The following TCEANC2 variants were observed in gnomAD, a reference collection of about 807,000 sequenced individuals.
The protein encoded by TCEANC2 is transcription elongation factor A N-terminal and central domain-containing protein 2.
TCEANC2 carries 20 observed loss-of-function variants against 22.8 expected under a neutral mutation model. The observed-to-expected ratio is 0.88, with a 90% confidence interval of 0.62 to 1.28. TCEANC2 has a LOEUF of 1.28. TCEANC2 is among the 50% of genes most tolerant of loss of function. TCEANC2 has a pLI of 0.00. For synonymous variants in TCEANC2, 84 were observed against 95.5 expected, an observed-to-expected ratio of 0.88 and a Z score of 0.70; for missense variants, 251 against 249.7, an observed-to-expected ratio of 1.01 and a Z score of -0.03.
chr1:54,106,365 T>G (rs1051481489), downstream of TCEANC2, among the ~76,000 whole-genome samples: 1 of 152,250 alleles, frequency 6.6e-6, no homozygotes, highest in Admixed American at 6.5e-5. Flanking sequence ...ATGTATTTTT[T>G]AATTTTCCAG....
At chr1:54,109,687 A>T (rs529135562), downstream of TCEANC2, among the ~76,000 whole-genome samples, 1 of 152,286 alleles carries the variant, frequency 6.6e-6, no homozygotes, top group African/African-American at 2.4e-5. Flanking sequence ...GGCTCTATAC[A>T]CATGCACTGA....
intron 2 of TCEANC2, among the ~76,000 whole-genome samples, chr1:54,056,950 G>A (rs962205934): frequency 2.6e-5 from 4 of 151,864 alleles, no homozygotes; most frequent in Non-Finnish European, 5.9e-5. Context: ...GCTGAGCTGG[G>A]AGGATTGCTT....
intron 3 of TCEANC2, among the ~76,000 whole-genome samples, chr1:54,078,197 G>T (rs923407379): frequency 1.3e-5 from 2 of 151,872 alleles, no homozygotes; most frequent in South Asian, 2.1e-4. Context: ...TTACTGCTGA[G>T]ATCTTATAAT....
downstream of TCEANC2, among the ~76,000 whole-genome samples, chr1:54,110,330 GGC>G (rs1458059492): frequency 1.3e-5 from 2 of 152,200 alleles, no homozygotes; most frequent in Non-Finnish European, 2.9e-5. Flanking sequence ...TGGGTGTGGT[GGC>G]TCATGCCTGT....
intron 3 of TCEANC2, among the ~76,000 whole-genome samples, chr1:54,077,499 G>A (rs1052833847): frequency 2.6e-5 from 4 of 152,216 alleles, no homozygotes; most frequent in South Asian, 4.2e-4. Context: ...CTGTGAATTT[G>A]AGACCATTGA....
At chr1:54,077,785 A>G (rs747467066) in intron 3 of TCEANC2, among the ~76,000 whole-genome samples, 8 of 152,144 alleles carry the variant, frequency 5.3e-5, no homozygotes, top group Non-Finnish European at 1.0e-4. Flanking sequence ...AGTTTTCTCT[A>G]TGGCTCTTCT....
chr1:54,088,077 C>T (rs542096669), intron 3 of TCEANC2, among the ~76,000 whole-genome samples: 2 of 152,272 alleles, frequency 1.3e-5, no homozygotes, highest in African/African-American at 2.4e-5. Flanking sequence ...GATGACAGCT[C>T]ATCCCTCCAT....
chr1:54,078,204 T>C (rs954867807), intron 3 of TCEANC2, among the ~76,000 whole-genome samples: 2 of 152,216 alleles, frequency 1.3e-5, no homozygotes, highest in African/African-American at 4.8e-5. Context: ...TGAGATCTTA[T>C]AATTTTTCTT....
rs756973311 is a variant in TCEANC2, at chr1:54,088,698, A to G, written c.346A>G (p.Asn116Asp). Residue 116 changes from asparagine (N) to aspartate (D), a missense_variant, in exon 4 of 5, where the codon AAT (asparagine) becomes GAT (aspartate). Transcript: ENST00000234827. ...EWKTFTEKHS[N>D]RPSIEVRSDP... is the part of the protein sequence containing the mutation. ...GAAAACTTTCACTGAAAAACATTCAAATAGACCTTCTATTGAAGTTAGAAG... is the reference window on the plus strand; with the variant it reads ...GAAAACTTTCACTGAAAAACATTCAGATAGACCTTCTATTGAAGTTAGAAG... 8.1e-6 allele frequency: 13 copies of G among 1,611,500 alleles called. No individual in the cohort carries two copies. The highest frequency in any genetic ancestry group is 6.7e-5 in the East Asian group (3 of 44,762).
chr1:54,069,533 G>A (rs772247018), intron 3 of TCEANC2, among the ~76,000 whole-genome samples: 1 of 151,814 alleles, frequency 6.6e-6, no homozygotes, highest in Non-Finnish European at 1.5e-5. Flanking sequence ...GCTTGAACCT[G>A]GGAGGCAGAG....
chr1:54,054,227 T>G, intron 1 of TCEANC2, 154 bp from the exon 2 acceptor site: 1 of 1,440,846 alleles, frequency 6.9e-7, no homozygotes, highest in Non-Finnish European at 9.1e-7. Context: ...TCGGAAGATC[T>G]TTCTTTTAAA....
intron 3 of TCEANC2, among the ~76,000 whole-genome samples, chr1:54,082,502 C>T (rs566293123): frequency 4.6e-5 from 7 of 152,268 alleles, no homozygotes; most frequent in African/African-American, 1.4e-4. Context: ...GGGAATAGAA[C>T]TTGGAGTAAG....
rs1178600907 is a variant in TCEANC2, at chr1:54,099,236, T to C, written c.*2763T>C. 1.3e-5 allele frequency: 2 copies of C among 152,192 alleles called. No individual in the cohort carries two copies. Among genetic ancestry groups the C allele is most frequent in the Middle Eastern group, 3.2e-3 (1 of 316 alleles). The allele number at this position is 152,192 out of a possible 1,614,324, so 9.4% of individuals were successfully genotyped here. On this transcript the variant is annotated 3_prime_UTR_variant, in exon 5 of 5. Coordinates refer to ENST00000234827, the MANE Select transcript of TCEANC2 (RefSeq NM_153035.3). ...GGCTGAAAGCCTTCAGTGGTGATAGTTGGAAAGTAGAATGATTGCAGAGAT... is the reference window on the plus strand; with the variant it reads ...GGCTGAAAGCCTTCAGTGGTGATAGCTGGAAAGTAGAATGATTGCAGAGAT...
chr1:54,095,592 T>G (rs896872669), intron 4 of TCEANC2, among the ~76,000 whole-genome samples: 2 of 152,184 alleles, frequency 1.3e-5, no homozygotes, highest in African/African-American at 4.8e-5. Context: ...CCAGAATTGC[T>G]ACAGTTCCCT....
chr1:54,058,934 C>T (rs977697540), intron 2 of TCEANC2, among the ~76,000 whole-genome samples: 19 of 152,118 alleles, frequency 1.2e-4, no homozygotes, highest in South Asian at 6.2e-4. Context: ...GGATTACAGG[C>T]GTGAGCCACT....
chr1:54,072,675 G>T (rs144405946), intron 3 of TCEANC2, among the ~76,000 whole-genome samples: 2,623 of 152,262 alleles, frequency 0.017, 65 homozygotes, highest in African/African-American at 0.058. Context: ...GATTACAGGC[G>T]TGAGCCATCG....
At chr1:54,087,220 C>T (rs185866485) in intron 3 of TCEANC2, among the ~76,000 whole-genome samples, 18 of 152,142 alleles carry the variant, frequency 1.2e-4, no homozygotes, top group Admixed American at 4.6e-4. Context: ...GTTCAGTTGA[C>T]TTCTTTAGCC....
Position 54,102,735 on chromosome 1 carries a change from A to G in TCEANC2, c.*6262A>G, listed in dbSNP as rs1257530260. On this transcript the variant is annotated 3_prime_UTR_variant, in exon 5 of 5. Transcript: ENST00000234827. ...TTATAATATCCAGCTGATAGAAGAGAAAAAAAGCCATGCCTTATCCTTAGA... is the reference window on the plus strand; with the variant it reads ...TTATAATATCCAGCTGATAGAAGAGGAAAAAAGCCATGCCTTATCCTTAGA... 2.0e-5 allele frequency: 3 copies of G among 152,258 alleles called. No homozygotes were observed. The highest frequency in any genetic ancestry group is 4.4e-5 in the Non-Finnish European group (3 of 68,080). The allele number at this position is 152,258 out of a possible 1,614,324, so 9.4% of individuals were successfully genotyped here.
intron 3 of TCEANC2, among the ~76,000 whole-genome samples, chr1:54,073,026 C>T (rs12082307): frequency 0.022 from 3,295 of 152,136 alleles, 70 homozygotes; most frequent in Middle Eastern, 0.078. Flanking sequence ...AGTGCAGTGG[C>T]ACAGTCACAG....
Sources: gnomAD v4.1 joint callset for allele counts (sites outside exome capture counted in the v4.1 genomes callset) on GRCh38, gnomAD v4.1.1 for gene constraint, MANE v1.5 for transcripts, NCBI Gene and HGNC (gene_info 2026-07-23, HGNC 2026-07-21) for gene names.